The following PCDHGA3 variants were observed in gnomAD, a reference collection of about 807,000 sequenced individuals.
PCDHGA3 encodes protocadherin gamma-A3.
In PCDHGA3, 40 loss-of-function variants were observed where a neutral mutation model predicts 58.5. That is an observed-to-expected ratio of 0.68 (90% confidence interval 0.53 to 0.89). The LOEUF is 0.89. Ranked by LOEUF, PCDHGA3 falls within the 40% of genes least tolerant of loss-of-function variation. The pLI is 0.00. For missense variants in PCDHGA3, 1,223 were observed against 1,195.9 expected (o/e 1.02, Z -0.33); for synonymous variants, 530 against 525.7 (o/e 1.01, Z -0.11).
chr5:141,427,703 C>A (rs529490424), intron 1 of PCDHGA3: 2 of 957,514 alleles, frequency 2.1e-6, no homozygotes, highest in African/African-American at 1.6e-5. Flanking sequence ...CACAAGTCAG[C>A]GCCTCTGACC....
chr5:141,357,656 A>G, intron 1 of PCDHGA3: 1 of 1,605,850 alleles, frequency 6.2e-7, no homozygotes, highest in Non-Finnish European at 8.5e-7. Flanking sequence ...TACCACACTG[A>G]AATATAGACA....
chr5:141,383,634 T>C, intron 1 of PCDHGA3: 1 of 1,613,914 alleles, frequency 6.2e-7, no homozygotes, highest in Non-Finnish European at 8.5e-7. Flanking sequence ...TCTCTCTGCC[T>C]CAGTACCAAG....
chr5:141,504,755 T>A (rs953075905), intron 2 of PCDHGA3, among the ~76,000 whole-genome samples: 13 of 151,824 alleles, frequency 8.6e-5, no homozygotes, highest in Non-Finnish European at 1.5e-5. Flanking sequence ...ATTTTAGAAA[T>A]TTCTTCTCCC....
At position 141,422,880 on chromosome 5, in the gene PCDHGA3, G is replaced by C. The variant is rs970045921; in HGVS notation, c.2425-71927G>C. The C allele has an allele frequency of 7.4e-6, 12 of 1,614,140 alleles. No individual in the cohort carries two copies. In the Admixed American group the frequency reaches 2.0e-4, roughly 27 times the overall value. ...TCAGCAGCAACGTGTCGCTGAGCCT[G>C]TTCGTGCTGGACCAGAACGACAATG... On this transcript the variant is annotated intron_variant, in intron 1 of 3. Coordinates refer to ENST00000253812, the MANE Select transcript of PCDHGA3 (RefSeq NM_018916.4).
chr5:141,416,062 T>G, intron 1 of PCDHGA3: 1 of 176,822 alleles, frequency 5.7e-6, no homozygotes, highest in Non-Finnish European at 1.2e-5. Flanking sequence ...AATCCAAGAA[T>G]ACTCAATGCA....
intron 1 of PCDHGA3, chr5:141,355,849 G>T (rs375626682): frequency 6.2e-6 from 10 of 1,612,302 alleles, no homozygotes; most frequent in Non-Finnish European, 8.5e-6. Context: ...GGCCTTCGAT[G>T]GAGGTGACCC....
At chr5:141,374,608 T>C (rs1480045739) in intron 1 of PCDHGA3, 1 of 1,613,484 alleles carries the variant, frequency 6.2e-7, no homozygotes, top group African/African-American at 1.3e-5. Flanking sequence ...TCAGTGGTAA[T>C]AGTCACTTCT....
intron 1 of PCDHGA3, 177 bp from the exon 2 acceptor site, chr5:141,494,630 C>T (rs991482599): frequency 5.8e-6 from 5 of 866,562 alleles, no homozygotes; most frequent in Non-Finnish European, 6.9e-6. Flanking sequence ...GTACCTCAGA[C>T]CTCTGAGACC....
At chr5:141,351,553 G>C (rs1485681008) in intron 1 of PCDHGA3, 1 of 1,613,972 alleles carries the variant, frequency 6.2e-7, no homozygotes, top group Non-Finnish European at 8.5e-7. Flanking sequence ...TTTCCTCCAG[G>C]ACAAGCATCA....
intron 1 of PCDHGA3, chr5:141,388,450 G>GATGGCAA: frequency 6.2e-7 from 1 of 1,613,844 alleles, no homozygotes; most frequent in Non-Finnish European, 8.5e-7. Flanking sequence ...TCAGATGGCA[G>GATGGCAA]TAAATACCCT....
At chr5:141,347,654 G>A (rs1757996271) in intron 1 of PCDHGA3, among the ~76,000 whole-genome samples, 1 of 152,050 alleles carries the variant, frequency 6.6e-6, no homozygotes. Flanking sequence ...GGGCATGGTG[G>A]TGGGCGCCTG....
At chr5:141,394,662 T>C in intron 1 of PCDHGA3, 3 of 1,613,258 alleles carry the variant, frequency 1.9e-6, no homozygotes, top group African/African-American at 2.7e-5. Flanking sequence ...GCCGGGACTC[T>C]TCTCGGTGGG....
chr5:141,371,300 C>G, intron 1 of PCDHGA3: 1 of 1,613,950 alleles, frequency 6.2e-7, no homozygotes, highest in Non-Finnish European at 8.5e-7. Context: ...GGGAACTCAC[C>G]ACTATTGGAG....
At chr5:141,349,549 A>G (rs1362405678) in intron 1 of PCDHGA3, among the ~76,000 whole-genome samples, 1 of 152,162 alleles carries the variant, frequency 6.6e-6, no homozygotes, top group Non-Finnish European at 1.5e-5. Context: ...TAAAGAAGAG[A>G]AATAACATAA....
At chr5:141,410,706 G>A in intron 1 of PCDHGA3, 1 of 1,454,410 alleles carries the variant, frequency 6.9e-7, no homozygotes, top group Non-Finnish European at 9.2e-7. Flanking sequence ...TTCATATCTA[G>A]AATCATATGT....
intron 1 of PCDHGA3, chr5:141,389,157 C>G: frequency 6.2e-7 from 1 of 1,613,976 alleles, no homozygotes; most frequent in African/African-American, 1.3e-5. Flanking sequence ...GGCAACAGAT[C>G]GGGGCAAGCC....
chr5:141,476,687 A>G lies in PCDHGA3; in HGVS notation c.2425-18120A>G. 1 of 1,614,212 alleles carries G rather than the reference A, an allele frequency of 6.2e-7. No individual in the cohort carries two copies. Among genetic ancestry groups the G allele is most frequent in the Non-Finnish European group, 8.5e-7 (1 of 1,180,044 alleles). On this transcript the variant is annotated intron_variant, in intron 1 of 3. Transcript: ENST00000253812. This position sits in a 1 kb window ranked among gnomAD's most constrained non-coding sequence, Gnocchi z 7.6. ...TCGCGTGCAGACGCGGGAGGACAGC[A>G]CCAAGTACGCGGAGCTGGTGTTGGA... is the stretch of plus-strand genomic sequence containing the variant.
intron 1 of PCDHGA3, among the ~76,000 whole-genome samples, chr5:141,386,272 C>T (rs997122540): frequency 1.3e-5 from 2 of 152,150 alleles, no homozygotes; most frequent in African/African-American, 2.4e-5. Context: ...TAACTACTTC[C>T]ATATTCTTTT....
intron 1 of PCDHGA3, chr5:141,390,129 T>G (rs1194598931): frequency 6.2e-7 from 1 of 1,613,936 alleles, no homozygotes; most frequent in Non-Finnish European, 8.5e-7. Flanking sequence ...TTTGCCTTAT[T>G]CCTACAATCT....
Sources: allele counts gnomAD v4.1 joint callset (sites outside exome capture counted in the v4.1 genomes callset), GRCh38; gene constraint gnomAD v4.1.1; non-coding constraint Gnocchi (gnomAD v3.1); transcripts MANE v1.5; gene names NCBI Gene and HGNC (gene_info 2026-07-23, HGNC 2026-07-21).